The following INTS3 variants were observed in gnomAD, a reference collection of about 807,000 sequenced individuals.
INTS3 encodes SOSS complex subunit A.
A neutral mutation model predicts 146.3 loss-of-function variants in INTS3; 34 were observed. The observed-to-expected ratio is 0.23, with a 90% CI of 0.18 to 0.31. INTS3 has a LOEUF of 0.31. Ranked by LOEUF, INTS3 falls within the 10% of genes least tolerant of loss-of-function variation. INTS3 has a pLI of 1.00. For synonymous variants in INTS3, 475 were observed against 494.9 expected (o/e 0.96, Z 0.53); for missense variants, 757 against 1,304.2 (o/e 0.58, Z 6.46).
In INTS3 at chr1:153,747,312, G is replaced by C; in HGVS notation, c.466G>C (p.Gly156Arg). 6.2e-7 allele frequency: 1 copy of C among 1,614,144 alleles called. No individual in the cohort carries two copies. The highest frequency in any genetic ancestry group is 8.5e-7 in the Non-Finnish European group (1 of 1,180,010). ...GTTGGTACGGGAACTGGTGAAGAGT[G>C]GGGTTCTGGGAGCCGATGGTGTTTG... is the stretch of plus-strand genomic sequence containing the variant. ...VWLVRELVKS[G>R]VLGADGVCMT... Residue 156 changes from glycine (G) to arginine (R), a missense_variant, in exon 5 of 30, where the codon GGG becomes CGG. By Grantham distance (125) the Gly-to-Arg change is moderately radical. Coordinates refer to ENST00000318967, the MANE Select transcript of INTS3 (RefSeq NM_023015.5).
At chr1:153,770,080 T>G in intron 23 of INTS3, 118 bp from the exon 24 acceptor site, 2 of 429,324 alleles carry the variant, frequency 4.7e-6, no homozygotes, top group Non-Finnish European at 8.0e-6. Flanking sequence ...TGTGTGTGTG[T>G]GTGTGTGTGT....
Position 153,756,813 on chromosome 1 carries a change from C to T in INTS3, c.958-759C>T, listed in dbSNP as rs372028326. On this transcript the variant is annotated intron_variant, in intron 9 of 29. Coordinates refer to ENST00000318967, the MANE Select transcript of INTS3 (RefSeq NM_023015.5). ...CCTGGGCAACAAGAGTGAAACTCTG[C>T]CTCAAAAAAAATAAAATAAATAATA... 1.9e-3 allele frequency among the ~76,000 whole-genome samples: 289 copies of T among 152,140 alleles called. 2 individuals carry two copies. Among genetic ancestry groups the T allele is most frequent in the African/African-American group, 6.7e-3 (278 of 41,526 alleles).
intron 1 of INTS3, among the ~76,000 whole-genome samples, chr1:153,730,903 G>A (rs1671035585): frequency 6.6e-6 from 1 of 152,104 alleles, no homozygotes; most frequent in South Asian, 2.1e-4. Flanking sequence ...GTCTCTAAGG[G>A]CAAGACTTAC....
Position 153,728,638 on chromosome 1 carries a change from G to C in INTS3, c.4G>C (p.Glu2Gln). The C allele has an allele frequency of 6.2e-7, 1 of 1,605,370 alleles. No homozygotes were observed. Among genetic ancestry groups the C allele is most frequent in the Non-Finnish European group, 8.5e-7 (1 of 1,177,400 alleles). ...TTCCCGGCTCCTGGCTGCAGCCATG[G>C]AGTTGCAGAAGGGAAAAGGGGCGGC... M[E>Q]LQKGKGAAAA... Residue 2 changes from glutamate (E) to glutamine (Q), a missense_variant, in exon 1 of 30, where the codon GAG (glutamate) becomes CAG (glutamine). Around this residue, in one of 8 missense-constraint regions of INTS3, gnomAD observed 160 missense variants for 193.7 expected, o/e 0.83. Transcript: ENST00000318967.
chr1:153,747,103 C>CA, intron 4 of INTS3, 33 bp downstream of exon 4: 1 of 1,488,944 alleles, frequency 6.7e-7, no homozygotes, highest in Non-Finnish European at 9.4e-7. Flanking sequence ...AGATCCAGCT[C>CA]AAAGAGAGAG....
chr1:153,760,455 A>C, intron 12 of INTS3, 65 bp downstream of exon 12: 1 of 1,340,328 alleles, frequency 7.5e-7, no homozygotes, highest in Non-Finnish European at 1.1e-6. Flanking sequence ...ATCTCCCCTA[A>C]TCTCCCAGTG....
intron 1 of INTS3, among the ~76,000 whole-genome samples, chr1:153,732,917 C>T (rs1404972335): frequency 1.3e-5 from 2 of 151,698 alleles, no homozygotes; most frequent in African/African-American, 2.4e-5. Context: ...GATTTTCCTG[C>T]CTCAGCCTCC....
At chr1:153,759,858 T>C in intron 11 of INTS3, 2 of 555,884 alleles carry the variant, frequency 3.6e-6, no homozygotes, top group South Asian at 2.4e-5. Context: ...GGGGAGGGCA[T>C]GGGCAAAGGA....
Position 153,748,680 on chromosome 1 carries a change from T to C in INTS3, c.518-9T>C. On this transcript the variant is annotated splice_polypyrimidine_tract_variant and intron_variant, in intron 5 of 29. Transcript: ENST00000318967. ...CGGAGCTATTCTTTTTTTCCCCTTT[T>C]GAAATCAGGTGGAGATGTTACAGCC... The C allele has an allele frequency of 6.2e-7, 1 of 1,612,430 alleles. No homozygotes were observed. Among genetic ancestry groups the C allele is most frequent in the Middle Eastern group, 1.7e-4 (1 of 6,056 alleles).
intron 12 of INTS3, 107 bp downstream of exon 12, chr1:153,760,497 G>A (rs12097043): frequency 0.076 from 69,319 of 917,332 alleles, 4,539 homozygotes; most frequent in African/African-American, 0.29. Flanking sequence ...TTGACTGAGA[G>A]CAGAAATGGT....
intron 3 of INTS3, among the ~76,000 whole-genome samples, chr1:153,743,635 G>A (rs1671618997): frequency 6.6e-6 from 1 of 152,160 alleles, no homozygotes; most frequent in Non-Finnish European, 1.5e-5. Context: ...CCTCTTGGCA[G>A]CCCTTAGGAA....
At position 153,771,833 on chromosome 1, in the gene INTS3, C is replaced by G. The variant is rs1672887989; in HGVS notation, c.2590C>G (p.Pro864Ala). The change falls in exon 26 of 30, where the codon CCC becomes GCC. Residue 864 changes from proline to alanine, a missense_variant. By Grantham distance (27) the Pro-to-Ala change is conservative (BLOSUM62 -1). Around this residue, in one of 8 missense-constraint regions of INTS3, gnomAD observed 116 missense variants for 226.5 expected, o/e 0.51. Coordinates refer to ENST00000318967, the MANE Select transcript of INTS3 (RefSeq NM_023015.5). ...EEMVKMVLSRPCHPDDQFTTS... is the reference protein window; with the variant it reads ...EEMVKMVLSRACHPDDQFTTS... ...GATGGTGAAGATGGTGCTGAGCCGG[C>G]CCTGCCATCCTGACGACCAGTTCAC... is the stretch of plus-strand genomic sequence containing the variant. 1 of 1,613,862 alleles carries G rather than the reference C, an allele frequency of 6.2e-7. No individual in the cohort carries two copies. Among genetic ancestry groups the G allele is most frequent in the Admixed American group, 1.7e-5 (1 of 60,004 alleles).
In INTS3 at chr1:153,757,824, ATTC is replaced by A. The variant is rs1672218414; in HGVS notation, c.1149+68_1149+70del. 28 of 1,464,746 alleles carry A rather than the reference ATTC, an allele frequency of 1.9e-5. No individual in the cohort carries two copies. The highest frequency in any genetic ancestry group is 4.6e-5 in the East Asian group (2 of 43,818). The allele number at this position is 1,464,746 out of a possible 1,614,324, so 90.7% of individuals were successfully genotyped here. On this transcript the variant is annotated intron_variant, in intron 10 of 29. Transcript: ENST00000318967. This position sits in a 1 kb window ranked among gnomAD's most constrained non-coding sequence, Gnocchi z 4.0. Reference sequence around the variant, plus strand: ...TCTTCCATGGTGTTCCCATGTTTCCATTCTTCTTCCTGACTCCAGGGCCACTTG... The same window carrying A: ...TCTTCCATGGTGTTCCCATGTTTCCATTCTTCCTGACTCCAGGGCCACTTG...
intron 23 of INTS3, 28 bp downstream of exon 23, chr1:153,769,872 G>A: frequency 2.1e-6 from 3 of 1,425,968 alleles, no homozygotes; most frequent in Non-Finnish European, 3.0e-6. Context: ...TAGGTGCCTG[G>A]GAGAGGAGAG....
chr1:153,729,360 A>G (rs1416498414), intron 1 of INTS3, among the ~76,000 whole-genome samples: 1 of 152,118 alleles, frequency 6.6e-6, no homozygotes, highest in Admixed American at 6.6e-5. Flanking sequence ...TACCTAGGGG[A>G]TTCTCCTTCA....
chr1:153,730,449 C>T (rs965827890), intron 1 of INTS3, among the ~76,000 whole-genome samples: 1 of 152,156 alleles, frequency 6.6e-6, no homozygotes, highest in African/African-American at 2.4e-5. Context: ...TATAGAAAGT[C>T]AATAATGGAC....
chr1:153,729,240 A>G (rs1395088299), intron 1 of INTS3, among the ~76,000 whole-genome samples: 2 of 152,186 alleles, frequency 1.3e-5, no homozygotes, highest in Admixed American at 6.5e-5. Flanking sequence ...CTTCGTGTAG[A>G]CACAACCAAT....
chr1:153,748,702 A>C lies in INTS3; in HGVS notation c.531A>C (p.Thr177=). The C allele has an allele frequency of 6.2e-7, 1 of 1,614,114 alleles. No individual in the cohort carries two copies. The highest frequency in any genetic ancestry group is 1.7e-5 in the Admixed American group (1 of 60,028). ...FMKQIAGGDV[T]AKNIWLAESV... ...TTTTGAAATCAGGTGGAGATGTTAC[A>C]GCCAAAAATATCTGGTTGGCAGAAA... Residue 177 remains threonine, a synonymous_variant, in exon 6 of 30, where the codon ACA becomes ACC. Transcript: ENST00000318967.
intron 6 of INTS3, 44 bp from the exon 7 acceptor site, chr1:153,751,051 A>ATTC: frequency 6.4e-7 from 1 of 1,569,626 alleles, no homozygotes; most frequent in South Asian, 1.2e-5. Context: ...GAGGGTGAAT[A>ATTC]GTTCTAGACA....
Sources: allele counts gnomAD v4.1 joint callset (sites outside exome capture counted in the v4.1 genomes callset), GRCh38; gene constraint gnomAD v4.1.1; regional missense constraint gnomAD v4.1.1; non-coding constraint Gnocchi (gnomAD v3.1); transcripts MANE v1.5; gene names NCBI Gene and HGNC (gene_info 2026-07-23, HGNC 2026-07-21).